GPR158: variants seen among roughly 807,000 people sequenced by gnomAD.
GPR158 encodes the protein G protein-coupled receptor 158.
Under a neutral mutation model 78.2 loss-of-function variants are expected in GPR158, and 30 were observed. The observed-to-expected ratio is 0.38, with a 90% CI of 0.29 to 0.52. The LOEUF (loss-of-function observed/expected upper bound fraction) is 0.52. Among genes scored for constraint, GPR158 ranks in the 20% least tolerant of loss-of-function variants. GPR158 has a pLI of 0.83. For synonymous variants in GPR158, 581 were observed against 591.1 expected, an observed-to-expected ratio of 0.98 and a Z score of 0.25; for missense variants, 1,463 against 1,523.5, an observed-to-expected ratio of 0.96 and a Z score of 0.66.
rs1852781418 is a variant in GPR158, at chr10:25,192,254, G to A, written c.902+15932G>A. Among the ~76,000 whole-genome samples, 2 of 152,252 alleles carry A rather than the reference G, an allele frequency of 1.3e-5. 1 individual carries two copies. ...CCCACTGCCACCTTATGAAGAAGGTGCCTTGCTTCTCCTTCACCTTCCGCC... is the reference window on the plus strand; with the variant it reads ...CCCACTGCCACCTTATGAAGAAGGTACCTTGCTTCTCCTTCACCTTCCGCC... On this transcript the variant is annotated intron_variant, in intron 1 of 10. Coordinates refer to ENST00000376351, the MANE Select transcript of GPR158 (RefSeq NM_020752.3).
chr10:25,336,914 T>A (rs1157076698), intron 2 of GPR158, among the ~76,000 whole-genome samples: 2 of 152,206 alleles, frequency 1.3e-5, no homozygotes, highest in Non-Finnish European at 2.9e-5. Flanking sequence ...TCAGTCAGCC[T>A]TTTCTGATGC....
chr10:25,338,870 T>A (rs1273965802), intron 2 of GPR158, among the ~76,000 whole-genome samples: 1 of 151,574 alleles, frequency 6.6e-6, no homozygotes, highest in Non-Finnish European at 1.5e-5. Context: ...ATTTACATCT[T>A]TACAACATGA....
intron 4 of GPR158, among the ~76,000 whole-genome samples, chr10:25,433,574 C>CGT (rs1341564075): frequency 8.5e-5 from 8 of 94,658 alleles, no homozygotes; most frequent in South Asian, 3.4e-4. Flanking sequence ...TGTGTGTGCG[C>CGT]GCGCGCGTGC....
intron 5 of GPR158, among the ~76,000 whole-genome samples, chr10:25,471,911 T>A (rs866657484): frequency 3.3e-5 from 5 of 152,304 alleles, no homozygotes; most frequent in African/African-American, 9.6e-5. Context: ...ATTTTGTAGG[T>A]TGCCTGTTCA....
Position 25,302,110 on chromosome 10 carries a change from C to T in GPR158, c.1008+80953C>T, listed in dbSNP as rs539616668. Among the ~76,000 whole-genome samples, 116 of 144,590 alleles carry T rather than the reference C, an allele frequency of 8.0e-4. 1 individual carries two copies. Among genetic ancestry groups the T allele is most frequent in the African/African-American group, 2.8e-3 (111 of 39,776 alleles). 94.9% of individuals were successfully genotyped at this position (144,590 alleles called of 152,430 possible). A position where few individuals can be genotyped will look rare whatever the true frequency, so the allele number is the denominator to read the frequency against. ...TTCTTGAGATGGAGTCTCGCTCTGT[C>T]GCCCAGGCTGGAGTGCAGTGGTGCG... On this transcript the variant is annotated intron_variant, in intron 2 of 10. Coordinates refer to ENST00000376351, the MANE Select transcript of GPR158 (RefSeq NM_020752.3).
chr10:25,580,379 C>A (rs560751934), intron 7 of GPR158, among the ~76,000 whole-genome samples: 12 of 152,186 alleles, frequency 7.9e-5, no homozygotes, highest in African/African-American at 1.7e-4. Flanking sequence ...AACACACACA[C>A]AAAAAACAGG....
intron 3 of GPR158, among the ~76,000 whole-genome samples, chr10:25,411,094 G>GTTTTTTTTTTTTTTTTT (rs199975784): frequency 6.9e-6 from 1 of 145,262 alleles, no homozygotes. Flanking sequence ...AGTTGTTTCT[G>GTTTTTTTTTTTTTTTTT]TTTTGTTTTT....
intron 4 of GPR158, among the ~76,000 whole-genome samples, chr10:25,452,263 C>G (rs1215670846): frequency 6.6e-6 from 1 of 152,040 alleles, no homozygotes; most frequent in Admixed American, 6.6e-5. Flanking sequence ...CCAGGCTGGT[C>G]TCAAACTCCT....
At chr10:25,195,213 C>CTT (rs1440678691) in intron 1 of GPR158, among the ~76,000 whole-genome samples, 1 of 146,750 alleles carries the variant, frequency 6.8e-6, no homozygotes, top group Non-Finnish European at 1.5e-5. Flanking sequence ...TTCTTTCTTT[C>CTT]TTTTTTTTTT....
At chr10:25,565,762 G>T (rs989571477) in intron 6 of GPR158, among the ~76,000 whole-genome samples, 6 of 152,164 alleles carry the variant, frequency 3.9e-5, no homozygotes, top group African/African-American at 1.2e-4. Flanking sequence ...AACGCTTAAG[G>T]TTCTTGCCTA....
At chr10:25,582,762 T>C (rs1235813945) in intron 7 of GPR158, among the ~76,000 whole-genome samples, 1 of 152,208 alleles carries the variant, frequency 6.6e-6, no homozygotes, top group African/African-American at 2.4e-5. Context: ...CAAAGGTAGA[T>C]AATCTACAAA....
intron 4 of GPR158, among the ~76,000 whole-genome samples, chr10:25,456,638 T>C (rs1327792982): frequency 6.6e-6 from 1 of 152,186 alleles, no homozygotes; most frequent in Non-Finnish European, 1.5e-5. Flanking sequence ...ACCAGAAACT[T>C]CTAAGATTAA....
At chr10:25,350,403 A>T (rs917727731) in intron 2 of GPR158, among the ~76,000 whole-genome samples, 3 of 152,020 alleles carry the variant, frequency 2.0e-5, no homozygotes, top group Admixed American at 6.6e-5. Flanking sequence ...CATTGTCAAT[A>T]TTCTTTATGT....
At chr10:25,438,870 C>A (rs1353780113) in intron 4 of GPR158, among the ~76,000 whole-genome samples, 1 of 151,924 alleles carries the variant, frequency 6.6e-6, no homozygotes, top group Non-Finnish European at 1.5e-5. Flanking sequence ...GGCTTGCTGC[C>A]ATTTAGAAAA....
chr10:25,373,590 G>GAA (rs1365955343), intron 2 of GPR158, among the ~76,000 whole-genome samples: 1 of 151,708 alleles, frequency 6.6e-6, no homozygotes, highest in Non-Finnish European at 1.5e-5. Context: ...CACAGATTTA[G>GAA]GTGCACTCAA....
chr10:25,512,934 A>C (rs1466901987), intron 5 of GPR158, among the ~76,000 whole-genome samples: 1 of 152,106 alleles, frequency 6.6e-6, no homozygotes, highest in African/African-American at 2.4e-5. Flanking sequence ...TCAGTTAGCT[A>C]GTATTTTATT....
chr10:25,279,146 C>T lies in GPR158; in HGVS notation c.1008+57989C>T, dbSNP rs1375072409. ...GCTCAAAAGGTAAATGACAACACTA[C>T]TACTACTGCTGCTGCTACTGCTGAT... is the stretch of plus-strand genomic sequence containing the variant. On this transcript the variant is annotated intron_variant, in intron 2 of 10. Transcript: ENST00000376351. Among the ~76,000 whole-genome samples the T allele has an allele frequency of 7.9e-5, 12 of 152,200 alleles. No individual in the cohort carries two copies. In the East Asian group the frequency reaches 1.7e-3, roughly 22 times the overall value.
At chr10:25,592,985 T>A (rs1837361555) in intron 8 of GPR158, among the ~76,000 whole-genome samples, 1 of 150,622 alleles carries the variant, frequency 6.6e-6, no homozygotes, top group Non-Finnish European at 1.5e-5. Flanking sequence ...TCAAAACTGG[T>A]TCAGTTTTGC....
In GPR158 at chr10:25,281,896, A is replaced by T. The variant is rs1854280253; in HGVS notation, c.1008+60739A>T. On this transcript the variant is annotated intron_variant, in intron 2 of 10. Coordinates refer to ENST00000376351, the MANE Select transcript of GPR158 (RefSeq NM_020752.3). ...TAAAATGTGAAGATCCATTACAAGG[A>T]TACCAGTGTAGACATAGAAATATAA... 2.6e-5 allele frequency among the ~76,000 whole-genome samples: 4 copies of T among 152,358 alleles called. No individual in the cohort carries two copies. The South Asian group carries it at 8.3e-4, about 32-fold the overall frequency.
Sources: gnomAD v4.1 joint callset for allele counts (sites outside exome capture counted in the v4.1 genomes callset) on GRCh38, gnomAD v4.1.1 for gene constraint, MANE v1.5 for transcripts, NCBI Gene and HGNC (gene_info 2026-07-23, HGNC 2026-07-21) for gene names.